VRK2: variants seen among roughly 807,000 people sequenced by gnomAD.
VRK2 encodes the protein serine/threonine-protein kinase VRK2.
VRK2 carries 60 observed loss-of-function variants against 57.6 expected under a neutral mutation model. The ratio of observed to expected loss-of-function variants is 1.04; its 90% CI spans 0.85 to 1.29. The LOEUF is 1.29. Ranked by LOEUF, VRK2 falls within the 50% of genes most tolerant of loss-of-function variation. The pLI is 0.00. For synonymous variants in VRK2, 231 were observed against 199.2 expected, an observed-to-expected ratio of 1.16 and a Z score of -1.35; for missense variants, 705 against 588.1, an observed-to-expected ratio of 1.20 and a Z score of -2.06.
upstream of VRK2, among the ~76,000 whole-genome samples, chr2:58,045,297 C>G (rs1674654705): frequency 6.6e-6 from 1 of 152,044 alleles, no homozygotes; most frequent in Non-Finnish European, 1.5e-5. Flanking sequence ...GAAGGTTGAG[C>G]CAACAGGATT....
chr2:58,044,014 G>T (rs759753374), upstream of VRK2, among the ~76,000 whole-genome samples: 7 of 152,118 alleles, frequency 4.6e-5, no homozygotes, highest in Non-Finnish European at 8.8e-5. Flanking sequence ...TAGAGTTTCT[G>T]CTAGGTTTTC....
In VRK2 at chr2:58,159,677, C is replaced by CTTTAT. The variant is rs757733149; in HGVS notation, c.1515_1519dup (p.Phe507TyrfsTer39). ...GTCCTTTTGATGTTAGTATTTCTTGCTTTATTTTTTCTCTGAAGATGATAC... is the reference window on the plus strand; with the variant it reads ...GTCCTTTTGATGTTAGTATTTCTTGCTTTATTTTATTTTTTCTCTGAAGATGATAC... On this transcript the variant is annotated frameshift_variant, in exon 13 of 13. Coordinates refer to ENST00000340157, the MANE Select transcript of VRK2 (RefSeq NM_006296.7). LOFTEE classifies it high-confidence loss of function. The CTTTAT allele has an allele frequency of 6.2e-7, 1 of 1,612,572 alleles. No individual in the cohort carries two copies. Among genetic ancestry groups the CTTTAT allele is most frequent in the South Asian group, 1.1e-5 (1 of 90,792 alleles).
intron 1 of VRK2, among the ~76,000 whole-genome samples, chr2:57,970,154 CAT>C (rs908895375): frequency 6.8e-6 from 1 of 148,090 alleles, no homozygotes; most frequent in African/African-American, 2.5e-5. Flanking sequence ...ATGATGTAAA[CAT>C]ATAATCATAT....
At chr2:58,000,836 A>G (rs967325426) in intron 1 of VRK2, among the ~76,000 whole-genome samples, 2 of 152,252 alleles carry the variant, frequency 1.3e-5, no homozygotes, top group African/African-American at 4.8e-5. Flanking sequence ...AACAGAATTC[A>G]TTAGATAGTA....
At chr2:58,032,408 A>T (rs1395776127) in intron 2 of VRK2, among the ~76,000 whole-genome samples, 1 of 152,072 alleles carries the variant, frequency 6.6e-6, no homozygotes, top group African/African-American at 2.4e-5. Flanking sequence ...ACAGGTTCAT[A>T]AAATAGCATG....
intron 1 of VRK2, among the ~76,000 whole-genome samples, chr2:57,909,714 T>A (rs1169307934): frequency 1.3e-5 from 2 of 152,212 alleles, no homozygotes; most frequent in Non-Finnish European, 2.9e-5. Flanking sequence ...TATTTAGCAA[T>A]GCCTGAAATA....
intron 7 of VRK2, among the ~76,000 whole-genome samples, chr2:58,112,460 G>A (rs1675709747): frequency 6.6e-6 from 1 of 151,830 alleles, no homozygotes; most frequent in Non-Finnish European, 1.5e-5. Context: ...TCTCTACTGA[G>A]TTATCTTAGT....
chr2:57,996,334 T>C (rs1672921876), intron 1 of VRK2, among the ~76,000 whole-genome samples: 3 of 152,192 alleles, frequency 2.0e-5, no homozygotes, highest in Non-Finnish European at 4.4e-5. Context: ...CCACAGACCA[T>C]ATTCTGAAAA....
At chr2:57,966,001 A>C (rs1168791428) in intron 1 of VRK2, among the ~76,000 whole-genome samples, 16 of 152,254 alleles carry the variant, frequency 1.1e-4, no homozygotes, top group Admixed American at 1.0e-3. Flanking sequence ...TTAAAATAAC[A>C]GACATACATT....
upstream of VRK2, among the ~76,000 whole-genome samples, chr2:58,043,709 G>A (rs565231320): frequency 8.5e-5 from 13 of 152,224 alleles, no homozygotes; most frequent in African/African-American, 2.9e-4. Flanking sequence ...TCCCCTACAA[G>A]TCTTTGTGTG....
At chr2:58,106,456 CA>C (rs1266410443) in intron 7 of VRK2, among the ~76,000 whole-genome samples, 2 of 151,924 alleles carry the variant, frequency 1.3e-5, no homozygotes, top group Admixed American at 6.6e-5. Flanking sequence ...AAATATACAT[CA>C]AGGTTTTGTT....
chr2:57,919,405 G>C (rs549660093), intron 1 of VRK2, among the ~76,000 whole-genome samples: 1 of 152,034 alleles, frequency 6.6e-6, no homozygotes. Context: ...CTTTATAAAA[G>C]TGACTTTCGA....
intron 1 of VRK2, among the ~76,000 whole-genome samples, chr2:58,020,328 C>T (rs1003146165): frequency 2.0e-5 from 3 of 152,206 alleles, no homozygotes; most frequent in African/African-American, 4.8e-5. Flanking sequence ...ACCTCAGCCT[C>T]CTACCTAACT....
chr2:58,025,234 A>G (rs544053174), intron 1 of VRK2, among the ~76,000 whole-genome samples: 1 of 152,104 alleles, frequency 6.6e-6, no homozygotes, highest in East Asian at 1.9e-4. Flanking sequence ...GATTCACTGT[A>G]AAATAGGCAC....
At chr2:57,919,708 T>G (rs1670274913) in intron 1 of VRK2, among the ~76,000 whole-genome samples, 1 of 152,096 alleles carries the variant, frequency 6.6e-6, no homozygotes, top group South Asian at 2.1e-4. Flanking sequence ...TTTCCATTTT[T>G]CTTACCTGGC....
At chr2:57,907,941 C>T (rs1427444773) in intron 1 of VRK2, 4 of 152,118 alleles carry the variant, frequency 2.6e-5, no homozygotes, top group Admixed American at 2.6e-4. Flanking sequence ...CTAACAAAGT[C>T]AGAACATGAT....
chr2:58,058,498 G>A (rs574536384), intron 2 of VRK2: 34 of 453,594 alleles, frequency 7.5e-5, no homozygotes, highest in Middle Eastern at 3.4e-4. Context: ...GGTATTCTGA[G>A]TGCCACCTAA....
rs1332504411 is a variant in VRK2, at chr2:57,971,786, T to C, written c.-438-53879T>C. Among the ~76,000 whole-genome samples the C allele has an allele frequency of 5.9e-5, 9 of 151,800 alleles. No individual in the cohort carries two copies. The Admixed American group carries it at 5.9e-4, about 10-fold the overall frequency. On this transcript the variant is annotated intron_variant, in intron 1 of 15. Coordinates refer to the VRK2 transcript ENST00000417641. ...GAATACTTACATAAAAAGAAGGCAA[T>C]TTAATAAAATAAAAAATACAGGAAA...
chr2:57,972,802 C>A (rs185187272), intron 1 of VRK2, among the ~76,000 whole-genome samples: 10 of 151,902 alleles, frequency 6.6e-5, no homozygotes, highest in Admixed American at 3.3e-4. Context: ...CTACAACATG[C>A]TTTTCCTTTT....
Sources: allele counts gnomAD v4.1 joint callset (sites outside exome capture counted in the v4.1 genomes callset), GRCh38; gene constraint gnomAD v4.1.1; transcripts MANE v1.5; gene names NCBI Gene and HGNC (gene_info 2026-07-23, HGNC 2026-07-21).